The following USP43 variants were observed in gnomAD, a reference collection of about 807,000 sequenced individuals.
The protein encoded by USP43 is ubiquitin specific peptidase 43.
Under a neutral mutation model 90.7 loss-of-function variants are expected in USP43, and 33 were observed. The observed-to-expected ratio is 0.36, with a 90% CI of 0.28 to 0.49. The LOEUF (loss-of-function observed/expected upper bound fraction) is 0.49, where lower values mean the gene tolerates loss of function less well. Among genes scored for constraint, USP43 ranks in the 20% least tolerant of loss-of-function variants. USP43 has a pLI of 0.98. For synonymous variants in USP43, 598 were observed against 615.8 expected (o/e 0.97, Z 0.43); for missense variants, 1,274 against 1,476.4 (o/e 0.86, Z 2.25).
intron 1 of USP43, among the ~76,000 whole-genome samples, chr17:9,648,618 G>C (rs1271637151): frequency 6.6e-6 from 1 of 152,156 alleles, no homozygotes; most frequent in Non-Finnish European, 1.5e-5. Context: ...ACCAACCGCT[G>C]AGTTGAATTT....
At chr17:9,725,487 G>A (rs1024385747) in intron 14 of USP43, among the ~76,000 whole-genome samples, 1 of 152,152 alleles carries the variant, frequency 6.6e-6, no homozygotes, top group African/African-American at 2.4e-5. Flanking sequence ...GAGGAAGTGT[G>A]ATGTGAGCGT....
At chr17:9,663,298 T>A (rs898177385) in intron 2 of USP43, among the ~76,000 whole-genome samples, 1 of 141,840 alleles carries the variant, frequency 7.1e-6, no homozygotes, top group Admixed American at 6.9e-5. Flanking sequence ...GATTTGGATG[T>A]TCTTTTTTTT....
At chr17:9,723,420 G>A (rs951103621) in intron 14 of USP43, among the ~76,000 whole-genome samples, 2 of 150,924 alleles carry the variant, frequency 1.3e-5, no homozygotes, top group Admixed American at 6.7e-5. Flanking sequence ...TGCTTTTGAC[G>A]TTTTTGTGAT....
At chr17:9,688,357 GTT>G (rs11348983) in intron 8 of USP43, among the ~76,000 whole-genome samples, 475 of 138,152 alleles carry the variant, frequency 3.4e-3, no homozygotes, top group Admixed American at 7.2e-3. Flanking sequence ...CTCCTGTCCT[GTT>G]TTTTTTTTTT....
At chr17:9,689,744 G>A (rs1914817746) in intron 8 of USP43, among the ~76,000 whole-genome samples, 1 of 152,018 alleles carries the variant, frequency 6.6e-6, no homozygotes, top group Non-Finnish European at 1.5e-5. Flanking sequence ...TTTTGTAAAC[G>A]GGGGTGTGTG....
chr17:9,704,372 G>A (rs1915755073), intron 12 of USP43, among the ~76,000 whole-genome samples: 2 of 152,064 alleles, frequency 1.3e-5, no homozygotes, highest in Middle Eastern at 3.4e-3. Context: ...ATGTGATCTC[G>A]GCTCACTGCA....
chr17:9,648,862 T>C (rs1298674545), intron 1 of USP43, among the ~76,000 whole-genome samples: 1 of 151,816 alleles, frequency 6.6e-6, no homozygotes, highest in Non-Finnish European at 1.5e-5. Context: ...TCTCTTTCTC[T>C]CTCTCTTTTC....
At chr17:9,671,719 C>T (rs1197550200) in intron 3 of USP43, among the ~76,000 whole-genome samples, 1 of 152,112 alleles carries the variant, frequency 6.6e-6, no homozygotes, top group Non-Finnish European at 1.5e-5. Flanking sequence ...ATTTTCTGTT[C>T]CTTTTCCCCT....
At chr17:9,714,170 A>G (rs960782866) in intron 14 of USP43, among the ~76,000 whole-genome samples, 3 of 152,210 alleles carry the variant, frequency 2.0e-5, no homozygotes, top group African/African-American at 7.2e-5. Flanking sequence ...GTAAATACAG[A>G]TGAAGCTTCG....
intron 7 of USP43, among the ~76,000 whole-genome samples, chr17:9,684,085 C>T (rs1414872851): frequency 6.6e-6 from 1 of 151,544 alleles, no homozygotes; most frequent in African/African-American, 2.4e-5. Flanking sequence ...TGCAGTCGGC[C>T]GAGATTGCAC....
chr17:9,721,996 A>T (rs556771037), intron 14 of USP43, among the ~76,000 whole-genome samples: 320 of 150,962 alleles, frequency 2.1e-3, no homozygotes, highest in African/African-American at 6.8e-3. Flanking sequence ...TCAGCCTCCC[A>T]CAATGCTGGG....
chr17:9,711,886 G>A, intron 13 of USP43, 82 bp from the exon 14 acceptor site: 1 of 1,396,504 alleles, frequency 7.2e-7, no homozygotes, highest in Admixed American at 3.0e-5. Context: ...GGCCGGAATG[G>A]GGATCTGGTT....
chr17:9,727,601 C>G (rs1157877801), intron 14 of USP43, among the ~76,000 whole-genome samples: 1 of 151,958 alleles, frequency 6.6e-6, no homozygotes, highest in Non-Finnish European at 1.5e-5. Context: ...GGAACTTTTG[C>G]TGGGCATTCC....
chr17:9,705,809 A>G (rs1379714505), intron 12 of USP43, among the ~76,000 whole-genome samples: 1 of 152,040 alleles, frequency 6.6e-6, no homozygotes, highest in African/African-American at 2.4e-5. Context: ...AAAAAAACAC[A>G]AATATTGCTG....
chr17:9,707,729 G>C (rs1000267648), intron 12 of USP43, among the ~76,000 whole-genome samples: 2 of 150,312 alleles, frequency 1.3e-5, no homozygotes, highest in Non-Finnish European at 2.9e-5. Context: ...CCAGTGTCCC[G>C]ATGGGCTGAT....
intron 5 of USP43, among the ~76,000 whole-genome samples, chr17:9,678,559 C>G (rs377090065): frequency 2.0e-5 from 3 of 152,064 alleles, no homozygotes; most frequent in African/African-American, 7.2e-5. Flanking sequence ...CCAGGATGAT[C>G]TCGATCTCTT....
At chr17:9,648,976 TCTTC>T (rs1471469083) in intron 1 of USP43, among the ~76,000 whole-genome samples, 4 of 150,926 alleles carry the variant, frequency 2.7e-5, no homozygotes, top group Non-Finnish European at 4.4e-5. Flanking sequence ...TCCCTTCTTT[TCTTC>T]CTTCCTTCCT....
intron 2 of USP43, among the ~76,000 whole-genome samples, chr17:9,661,149 A>G (rs1912611789): frequency 6.6e-6 from 1 of 152,184 alleles, no homozygotes; most frequent in South Asian, 2.1e-4. Flanking sequence ...AAATGTTTTC[A>G]TCCTGCAAAG....
intron 1 of USP43, among the ~76,000 whole-genome samples, chr17:9,654,828 C>T (rs1161834278): frequency 6.6e-6 from 1 of 151,762 alleles, no homozygotes; most frequent in Non-Finnish European, 1.5e-5. Flanking sequence ...ACCTCTACCT[C>T]CCGGGTTCAA....
Sources: gnomAD v4.1 joint callset for allele counts (sites outside exome capture counted in the v4.1 genomes callset) on GRCh38, gnomAD v4.1.1 for gene constraint, MANE v1.5 for transcripts, NCBI Gene and HGNC (gene_info 2026-07-23, HGNC 2026-07-21) for gene names.